Variants in C1orf105 observed in about 807,000 individuals in gnomAD.
C1orf105 encodes chromosome 1 open reading frame 105.
In C1orf105, 17 loss-of-function variants were observed where a neutral mutation model predicts 20.8. The ratio of observed to expected loss-of-function variants is 0.82; its 90% CI spans 0.56 to 1.23. The LOEUF (loss-of-function observed/expected upper bound fraction) is 1.23. Among genes scored for constraint, C1orf105 ranks in the 50% most tolerant of loss-of-function variants. The probability of loss-of-function intolerance (pLI) is 0.00; values close to 1 mark genes in which losing one functional copy is unlikely to be tolerated. For synonymous variants in C1orf105, 72 were observed against 72.1 expected, an observed-to-expected ratio of 1.00 and a Z score of 0.01; for missense variants, 219 against 213.5, an observed-to-expected ratio of 1.03 and a Z score of -0.16.
chr1:172,453,121 ATCCCTTC>A (rs1253096526), intron 3 of C1orf105: 1 of 1,550,988 alleles, frequency 6.4e-7, no homozygotes, highest in Non-Finnish European at 8.7e-7. Flanking sequence ...CAATGCCCTC[ATCCCTTC>A]TCCAGATAGA....
At chr1:172,462,116 A>G (rs1486517399) in intron 4 of C1orf105, 62 bp from the exon 5 acceptor site, 1 of 1,208,798 alleles carries the variant, frequency 8.3e-7, no homozygotes, top group Non-Finnish European at 1.2e-6. Flanking sequence ...AAAGTGGTAC[A>G]TTATTTATTT....
At chr1:172,441,637 C>T (rs1425868433) in intron 1 of C1orf105, 14 of 1,146,336 alleles carry the variant, frequency 1.2e-5, no homozygotes, top group Non-Finnish European at 1.7e-5. Flanking sequence ...CAATGACATG[C>T]TGCTTCCAGA....
chr1:172,466,573 T>TACACAC (rs3980398), intron 6 of C1orf105, among the ~76,000 whole-genome samples: 101 of 147,296 alleles, frequency 6.9e-4, no homozygotes, highest in African/African-American at 1.5e-3. Flanking sequence ...ATGAATCACA[T>TACACAC]ACACACACAC....
chr1:172,462,995 T>C (rs1013437226), intron 5 of C1orf105, among the ~76,000 whole-genome samples: 15 of 152,122 alleles, frequency 9.9e-5, no homozygotes, highest in African/African-American at 3.6e-4. Flanking sequence ...CAGGCTGGTC[T>C]CAAACTCCCC....
Position 172,450,216 on chromosome 1 carries a change from G to A in C1orf105, c.198+1685G>A, listed in dbSNP as rs377493082. Among the ~76,000 whole-genome samples, 14 of 152,346 alleles carry A rather than the reference G, an allele frequency of 9.2e-5. No homozygotes were observed. In the South Asian group the frequency reaches 2.9e-3, roughly 32 times the overall value. ...GTTGCTCTTATTGGGAGAGAACACA[G>A]GCCCCTCAGCCTCACCCTCACTCTC... is the stretch of plus-strand genomic sequence containing the variant. On this transcript the variant is annotated intron_variant, in intron 3 of 6. Coordinates refer to ENST00000367727, the MANE Select transcript of C1orf105 (RefSeq NM_139240.4).
intron 5 of C1orf105, among the ~76,000 whole-genome samples, chr1:172,462,563 C>G (rs1173594108): frequency 6.6e-6 from 1 of 152,174 alleles, no homozygotes; most frequent in African/African-American, 2.4e-5. Context: ...ATGTAGATGA[C>G]ATATCTAATC....
intron 1 of C1orf105, among the ~76,000 whole-genome samples, chr1:172,433,797 A>G (rs1312835521): frequency 2.0e-5 from 3 of 152,240 alleles, no homozygotes; most frequent in African/African-American, 7.2e-5. Flanking sequence ...CAATTAAAAG[A>G]CACAGACTGG....
intron 1 of C1orf105, among the ~76,000 whole-genome samples, chr1:172,433,761 TTTAAA>T (rs2071945674): frequency 6.6e-6 from 1 of 152,162 alleles, no homozygotes; most frequent in Non-Finnish European, 1.5e-5. Flanking sequence ...CAATATTAAC[TTTAAA>T]TGTAAATGGT....
intron 5 of C1orf105, among the ~76,000 whole-genome samples, chr1:172,464,856 C>A (rs113521576): frequency 1.3e-5 from 2 of 151,978 alleles, no homozygotes; most frequent in Non-Finnish European, 2.9e-5. Flanking sequence ...TCAGGTTAAC[C>A]GGTAGTAGAT....
intron 1 of C1orf105, among the ~76,000 whole-genome samples, chr1:172,431,847 G>A (rs144794313): frequency 4.6e-5 from 7 of 152,356 alleles, no homozygotes; most frequent in East Asian, 1.9e-4. Flanking sequence ...AAGGGAAGCC[G>A]TGACAGACTG....
rs184167175 is a variant in C1orf105 at position 172,460,304 on chromosome 1, A to G, written c.274-1874A>G. ...TGGTTATGTAACTACTCATATTCCT[A>G]TGTAACCTTGGGCTAGAAGCTCAAT... On this transcript the variant is annotated intron_variant, in intron 4 of 6. Transcript: ENST00000367727. Among the ~76,000 whole-genome samples, 9 of 152,354 alleles carry G rather than the reference A, an allele frequency of 5.9e-5. No individual in the cohort carries two copies. The East Asian group carries it at 1.3e-3, about 23-fold the overall frequency.
At position 172,445,104 on chromosome 1, in the gene C1orf105, G is replaced by A. The variant is rs751893192; in HGVS notation, c.53G>A (p.Trp18Ter). The A allele has an allele frequency of 2.5e-6, 4 of 1,613,162 alleles. No individual in the cohort carries two copies. The highest frequency in any genetic ancestry group is 1.7e-5 in the Admixed American group (1 of 59,844). Residue 18 changes from tryptophan (W) to a stop codon, truncating the protein, a stop_gained, in exon 2 of 7, where the codon TGG (tryptophan) becomes TAG (stop). Coordinates refer to ENST00000367727, the MANE Select transcript of C1orf105 (RefSeq NM_139240.4). LOFTEE classifies it high-confidence loss of function. Reference sequence around the variant, plus strand: ...GTTCCAAAATTTGACAAGATTCCTTGGCTTAGTGAGGCCAGCCTTGTAAAC... The same window carrying A: ...GTTCCAAAATTTGACAAGATTCCTTAGCTTAGTGAGGCCAGCCTTGTAAAC... ...ASVPKFDKIP[W>*]LSEASLVNKP...
intron 3 of C1orf105, among the ~76,000 whole-genome samples, chr1:172,455,113 C>G (rs1407513535): frequency 6.6e-6 from 1 of 152,126 alleles, no homozygotes; most frequent in Non-Finnish European, 1.5e-5. Flanking sequence ...CATTGTAATA[C>G]TGAGTTGATT....
At chr1:172,447,295 G>T (rs113574354) in intron 2 of C1orf105, among the ~76,000 whole-genome samples, 1 of 152,134 alleles carries the variant, frequency 6.6e-6, no homozygotes, top group Non-Finnish European at 1.5e-5. Flanking sequence ...CCAAGTGTGC[G>T]CAATGGAAAC....
At chr1:172,444,075 A>G (rs1312204166) in intron 1 of C1orf105, 1 of 998,168 alleles carries the variant, frequency 1.0e-6, no homozygotes, top group East Asian at 1.1e-4. Flanking sequence ...ACTGTGGCCA[A>G]GCACTTCCGG....
At chr1:172,442,294 T>C (rs764903492) in intron 1 of C1orf105, 4 of 1,613,514 alleles carry the variant, frequency 2.5e-6, no homozygotes, top group Non-Finnish European at 3.4e-6. Context: ...CCCACTCTTC[T>C]TCCGCCCTTC....
chr1:172,434,131 T>G (rs1375595731), intron 1 of C1orf105, among the ~76,000 whole-genome samples: 1 of 152,166 alleles, frequency 6.6e-6, no homozygotes, highest in Non-Finnish European at 1.5e-5. Flanking sequence ...ACAAAGAGGC[T>G]TAGACTCCAA....
intron 1 of C1orf105, chr1:172,442,162 A>T: frequency 6.2e-7 from 1 of 1,614,214 alleles, no homozygotes; most frequent in Non-Finnish European, 8.5e-7. Context: ...CAGCATGAAG[A>T]CTGACATGGC....
intron 1 of C1orf105, among the ~76,000 whole-genome samples, chr1:172,440,252 T>A (rs1193913489): frequency 6.6e-6 from 1 of 152,214 alleles, no homozygotes; most frequent in Non-Finnish European, 1.5e-5. Context: ...CACAAATGAA[T>A]TACCACAGGA....
Sources: allele counts gnomAD v4.1 joint callset (sites outside exome capture counted in the v4.1 genomes callset), GRCh38; gene constraint gnomAD v4.1.1; transcripts MANE v1.5; gene names NCBI Gene and HGNC (gene_info 2026-07-23, HGNC 2026-07-21).